The following ZNF639 variants were observed in gnomAD, a reference collection of about 807,000 sequenced individuals.
The protein encoded by ZNF639 is zinc finger amplified in esophageal squamous cell carcinomas 1.
In ZNF639, 20 loss-of-function variants were observed where a neutral mutation model predicts 39.8. The observed-to-expected ratio is 0.50, with a 90% confidence interval of 0.35 to 0.73. ZNF639 has a LOEUF of 0.73. Among genes scored for constraint, ZNF639 ranks in the 30% least tolerant of loss-of-function variants. ZNF639 has a pLI of 0.00. For synonymous variants in ZNF639, 176 were observed against 189.8 expected (o/e 0.93, Z 0.60); for missense variants, 477 against 566.2 (o/e 0.84, Z 1.60).
In ZNF639 at chr3:179,337,258, CAAAAAA is replaced by C. The variant is rs549313818; in HGVS notation, c.*2843_*2848del. 1 of 127,510 alleles carries C rather than the reference CAAAAAA, an allele frequency of 7.8e-6. No homozygotes were observed. The highest frequency in any genetic ancestry group is 2.5e-4 in the South Asian group (1 of 3,972). The allele number at this position is 127,510 out of a possible 1,614,324, so 7.9% of individuals were successfully genotyped here. A position where few individuals can be genotyped will look rare whatever the true frequency, so the allele number is the denominator to read the frequency against. Reference sequence around the variant, plus strand: ...CCTGGGTGACAGAGTGAGACTGTCTCAAAAAAAAAAAAGAAAAGAAGAAAAGATTGC... The same window carrying C: ...CCTGGGTGACAGAGTGAGACTGTCTCAAAAAAGAAAAGAAGAAAAGATTGC... On this transcript the variant is annotated 3_prime_UTR_variant, in exon 6 of 6. Transcript: ENST00000496856.
chr3:179,323,099 C>G lies in ZNF639; in HGVS notation c.-275C>G, dbSNP rs1210757145. 2 of 984,820 alleles carry G rather than the reference C, an allele frequency of 2.0e-6. No homozygotes were observed. Among genetic ancestry groups the G allele is most frequent in the African/African-American group, 3.5e-5 (2 of 57,246 alleles). The allele number at this position is 984,820 out of a possible 1,614,324, so 61.0% of individuals were successfully genotyped here. ...CGGCCGCGGAGCCTAGGCCAGGGGC[C>G]TGGCGCTCAGGGCGTGGGGCGCGCG... On this transcript the variant is annotated 5_prime_UTR_variant, in exon 1 of 6. Coordinates refer to ENST00000496856, the MANE Select transcript of ZNF639 (RefSeq NM_001303426.2).
At position 179,328,344 on chromosome 3, in the gene ZNF639, T is replaced by C. The variant is rs1220407873; in HGVS notation, c.51T>C (p.Arg17=). 1.9e-6 allele frequency: 3 copies of C among 1,582,122 alleles called. No individual in the cohort carries two copies. The highest frequency in any genetic ancestry group is 1.7e-6 in the Non-Finnish European group (2 of 1,163,530). Residue 17 remains arginine, a synonymous_variant, in exon 3 of 6, where the codon CGT becomes CGC. Coordinates refer to ENST00000496856, the MANE Select transcript of ZNF639 (RefSeq NM_001303426.2). ...AAAGGAAGACTCTACACCCTTCTCG[T>C]TATTCAGGTCAGTGTATAATTATTT... ...KRKRKTLHPS[R]YSDSSGISRI...
chr3:179,325,589 G>A (rs890293317), intron 1 of ZNF639, among the ~76,000 whole-genome samples: 7 of 152,156 alleles, frequency 4.6e-5, no homozygotes, highest in Non-Finnish European at 1.0e-4. Flanking sequence ...TAAGGGTTAG[G>A]AAAATGCTTA....
In ZNF639 at chr3:179,334,117, C is replaced by G; in HGVS notation, c.1153C>G (p.Leu385Val). The stretch of plus-strand genomic sequence containing the variant: ...TCAAGTATGTGGTTTTCGGAGTAGA[C>G]TTCACACAAATGTTAACAGGCATGT... ...VCQVCGFRSR[L>V]HTNVNRHVAI... Residue 385 changes from leucine to valine, a missense_variant, in exon 6 of 6, where the codon CTT becomes GTT. Coordinates refer to ENST00000496856, the MANE Select transcript of ZNF639 (RefSeq NM_001303426.2). 6.2e-7 allele frequency: 1 copy of G among 1,613,984 alleles called. No individual in the cohort carries two copies.
At chr3:179,332,887 C>G (rs1727991344) in intron 4 of ZNF639, 102 bp from the exon 5 acceptor site, 2 of 1,404,300 alleles carry the variant, frequency 1.4e-6, no homozygotes, top group Admixed American at 2.9e-5. Flanking sequence ...GTCCTTAGTT[C>G]CTGTTGGAAT....
At chr3:179,329,775 AT>A in intron 4 of ZNF639, 47 bp downstream of exon 4, 1 of 1,001,656 alleles carries the variant, frequency 1.0e-6, no homozygotes, top group South Asian at 1.6e-5. Context: ...CTGCTTTTAC[AT>A]TTTTTATTCC....
rs374958652 is a variant in ZNF639 at position 179,333,327 on chromosome 3, C to G, written c.363C>G (p.Asn121Lys). 5 of 1,613,340 alleles carry G rather than the reference C, an allele frequency of 3.1e-6. No individual in the cohort carries two copies. Among genetic ancestry groups the G allele is most frequent in the Non-Finnish European group, 4.2e-6 (5 of 1,179,840 alleles). The part of the protein sequence containing the change: ...DEECDSPESV[N>K]QQTQEESPIE... Reference sequence around the variant, plus strand: ...AGTGTGACTCACCTGAATCAGTCAACCAGCAAACCCAAGAGGAGAGTCCTA... The same window carrying G: ...AGTGTGACTCACCTGAATCAGTCAAGCAGCAAACCCAAGAGGAGAGTCCTA... The change falls in exon 6 of 6, where the codon AAC (asparagine) becomes AAG (lysine). Residue 121 changes from asparagine (N) to lysine (K), a missense_variant. By Grantham distance (94) the Asn-to-Lys change is moderately conservative (BLOSUM62 0). Coordinates refer to ENST00000496856, the MANE Select transcript of ZNF639 (RefSeq NM_001303426.2).
intron 3 of ZNF639, 93 bp from the exon 4 acceptor site, chr3:179,329,519 AATTAAC>A (rs1727784405): frequency 2.9e-6 from 2 of 690,896 alleles, no homozygotes; most frequent in Non-Finnish European, 5.1e-6. Context: ...CAGATACTAT[AATTAAC>A]ATTAAGAACA....
Position 179,328,291 on chromosome 3 carries a change from G to C in ZNF639, c.-3G>C. The C allele has an allele frequency of 6.4e-7, 1 of 1,556,862 alleles. No individual in the cohort carries two copies. Among genetic ancestry groups the C allele is most frequent in the South Asian group, 1.2e-5 (1 of 85,980 alleles). On this transcript the variant is annotated 5_prime_UTR_variant, in exon 3 of 6. Coordinates refer to ENST00000496856, the MANE Select transcript of ZNF639 (RefSeq NM_001303426.2). Reference sequence around the variant, plus strand: ...TTTTTCTCGTTTTTTAGATTGAAAAGATATGAATGAGTATCCTAAAAAAAG... The same window carrying C: ...TTTTTCTCGTTTTTTAGATTGAAAACATATGAATGAGTATCCTAAAAAAAG...
At position 179,334,282 on chromosome 3, in the gene ZNF639, A is replaced by G. The variant is rs763303547; in HGVS notation, c.1318A>G (p.Thr440Ala). 4.0e-5 allele frequency: 65 copies of G among 1,613,158 alleles called. No individual in the cohort carries two copies. The highest frequency in any genetic ancestry group is 1.7e-4 in the Admixed American group (10 of 59,922). ...IYLCQYCEYSTGQIEDLKIHL... is the reference protein window; with the variant it reads ...IYLCQYCEYSAGQIEDLKIHL... ...TTTATGTCAATATTGTGAATATTCAACAGGACAAATTGAAGATCTTAAAAT... is the reference window on the plus strand; with the variant it reads ...TTTATGTCAATATTGTGAATATTCAGCAGGACAAATTGAAGATCTTAAAAT... The change falls in exon 6 of 6, where the codon ACA (threonine) becomes GCA (alanine). Residue 440 changes from threonine to alanine, a missense_variant. Thr to Ala is a moderately conservative substitution (Grantham distance 58). Coordinates refer to ENST00000496856, the MANE Select transcript of ZNF639 (RefSeq NM_001303426.2).
intron 3 of ZNF639, among the ~76,000 whole-genome samples, chr3:179,328,643 G>A (rs892785543): frequency 1.3e-5 from 2 of 152,136 alleles, no homozygotes; most frequent in African/African-American, 4.8e-5. Flanking sequence ...GGATTTGCAT[G>A]TCTGATACCT....
chr3:179,327,244 G>A (rs1024373261), intron 1 of ZNF639, among the ~76,000 whole-genome samples: 4 of 151,948 alleles, frequency 2.6e-5, no homozygotes, highest in African/African-American at 9.7e-5. Flanking sequence ...CTTTCCTTAT[G>A]GATGAATAAA....
Position 179,333,124 on chromosome 3 carries a change from G to C in ZNF639, c.304+1G>C, listed in dbSNP as rs1409295620. 1 of 1,590,914 alleles carries C rather than the reference G, an allele frequency of 6.3e-7. No homozygotes were observed. The highest frequency in any genetic ancestry group is 2.2e-5 in the East Asian group (1 of 44,704). ...CTAGACCACACTGCCTTTTCTACAGGTTGGGGGAACTAATTTATAGCATTG... is the reference window on the plus strand; with the variant it reads ...CTAGACCACACTGCCTTTTCTACAGCTTGGGGGAACTAATTTATAGCATTG... On this transcript the variant is annotated splice_donor_variant, in intron 5 of 5. Transcript: ENST00000496856. LOFTEE classifies it high-confidence loss of function.
Position 179,328,361 on chromosome 3 carries a change from T to C in ZNF639, c.58+10T>C. On this transcript the variant is annotated intron_variant, in intron 3 of 5. Coordinates refer to ENST00000496856, the MANE Select transcript of ZNF639 (RefSeq NM_001303426.2). ...CCTTCTCGTTATTCAGGTCAGTGTATAATTATTTTAAAGTTGGGTATGGAT... is the reference window on the plus strand; with the variant it reads ...CCTTCTCGTTATTCAGGTCAGTGTACAATTATTTTAAAGTTGGGTATGGAT... 1 of 1,558,034 alleles carries C rather than the reference T, an allele frequency of 6.4e-7. No individual in the cohort carries two copies. The highest frequency in any genetic ancestry group is 8.7e-7 in the Non-Finnish European group (1 of 1,150,736).
Position 179,333,889 on chromosome 3 carries a change from CAGG to C in ZNF639, c.928_930del (p.Glu310del), listed in dbSNP as rs1728067139. 6.2e-7 allele frequency: 1 copy of C among 1,614,052 alleles called. No homozygotes were observed. The highest frequency in any genetic ancestry group is 8.5e-7 in the Non-Finnish European group (1 of 1,180,044). ...AAGCAGTGAACTCTACCTACATTTC[CAGG>C]AGCACAGCTGTGATGAACAGTACTT... On this transcript the variant is annotated inframe_deletion, in exon 6 of 6. Coordinates refer to ENST00000496856, the MANE Select transcript of ZNF639 (RefSeq NM_001303426.2).
rs562102610 is a variant in ZNF639, at chr3:179,323,097, G to C, written c.-277G>C. The C allele has an allele frequency of 1.0e-6, 1 of 984,876 alleles. No homozygotes were observed. Among genetic ancestry groups the C allele is most frequent in the East Asian group, 1.1e-4 (1 of 8,782 alleles). 61.0% of individuals were successfully genotyped at this position (984,876 alleles called of 1,614,324 possible). ...TGCGGCCGCGGAGCCTAGGCCAGGG[G>C]CCTGGCGCTCAGGGCGTGGGGCGCG... is the stretch of plus-strand genomic sequence containing the variant. On this transcript the variant is annotated 5_prime_UTR_variant, in exon 1 of 6. Coordinates refer to ENST00000496856, the MANE Select transcript of ZNF639 (RefSeq NM_001303426.2).
At chr3:179,328,496 A>G (rs1316010480) in intron 3 of ZNF639, 145 bp downstream of exon 3, 5 of 530,860 alleles carry the variant, frequency 9.4e-6, no homozygotes, top group Non-Finnish European at 1.6e-5. Flanking sequence ...CATTATCTGA[A>G]TATATATTCC....
At chr3:179,324,440 T>C (rs902696214) in intron 1 of ZNF639, among the ~76,000 whole-genome samples, 4 of 152,200 alleles carry the variant, frequency 2.6e-5, no homozygotes, top group Admixed American at 6.5e-5. Flanking sequence ...ATAGGTTGCT[T>C]GTGATTCAGA....
intron 4 of ZNF639, chr3:179,330,005 C>T (rs1053143174): frequency 4.8e-6 from 1 of 206,734 alleles, no homozygotes; most frequent in South Asian, 7.3e-5. Flanking sequence ...CTCCGCCTCC[C>T]AGGTTCAAGC....
Sources: gnomAD v4.1 joint callset for allele counts (sites outside exome capture counted in the v4.1 genomes callset) on GRCh38, gnomAD v4.1.1 for gene constraint, MANE v1.5 for transcripts, NCBI Gene and HGNC (gene_info 2026-07-23, HGNC 2026-07-21) for gene names.